The following DNAAF3 variants were observed in gnomAD, a reference collection of about 807,000 sequenced individuals.
DNAAF3 encodes dynein axonemal assembly factor 3, also known as UPF0470 protein C19orf51.
Under a neutral mutation model 50.9 loss-of-function variants are expected in DNAAF3, and 40 were observed. That is an observed-to-expected ratio of 0.79 (90% CI 0.61 to 1.02). DNAAF3 has a LOEUF of 1.02. Among genes scored for constraint, DNAAF3 ranks in the 50% least tolerant of loss-of-function variants. The pLI is 0.00. For synonymous variants in DNAAF3, 327 were observed against 322.8 expected, an observed-to-expected ratio of 1.01 and a Z score of -0.14; for missense variants, 763 against 744.7, an observed-to-expected ratio of 1.02 and a Z score of -0.29.
rs2085920107 is a variant in DNAAF3 at position 55,165,327 on chromosome 19, G to T, written c.322+43C>A. On this transcript the variant is annotated intron_variant, in intron 4 of 11. Transcript: ENST00000524407. ...AATGCCAGAATCCCTCTAGGGAGGGGGAGGAGACCAGCGGTCAGAATGCCT... is the reference window on the plus strand; with the variant it reads ...AATGCCAGAATCCCTCTAGGGAGGGTGAGGAGACCAGCGGTCAGAATGCCT... 4 of 1,563,340 alleles carry T rather than the reference G, an allele frequency of 2.6e-6. No homozygotes were observed. In the South Asian group the frequency reaches 4.4e-5, roughly 17 times the overall value.
rs750887231 is a variant in DNAAF3, at chr19:55,166,421, C to A, written c.-4-4G>T. 3.1e-6 allele frequency: 5 copies of A among 1,613,864 alleles called. No individual in the cohort carries two copies. Among genetic ancestry groups the A allele is most frequent in the Non-Finnish European group, 4.2e-6 (5 of 1,179,870 alleles). ...GCCGGCAGGTGTGGTCATCACCCTG[C>A]GGAAAAGACATTCTGGGAATCGCAC... On this transcript the variant is annotated splice_region_variant and splice_polypyrimidine_tract_variant and intron_variant, in intron 1 of 11. Transcript: ENST00000524407. The surrounding 1 kb of genome is among the most constrained non-coding windows in gnomAD (Gnocchi z 4.0).
intron 4 of DNAAF3, among the ~76,000 whole-genome samples, chr19:55,164,940 T>G (rs543768459): frequency 6.7e-6 from 1 of 149,956 alleles, no homozygotes; most frequent in Non-Finnish European, 1.5e-5. Flanking sequence ...CATCAATAAA[T>G]ATATTGGATT....
intron 3 of DNAAF3, 149 bp from the exon 4 acceptor site, chr19:55,165,612 A>G (rs2147309794): frequency 1.0e-6 from 1 of 953,184 alleles, no homozygotes; most frequent in African/African-American, 1.7e-5. Flanking sequence ...CTGTGTCCCC[A>G]GAGCTCTCTT....
rs1430656717 is a variant in DNAAF3, at chr19:55,165,457, C to G, written c.235G>C (p.Val79Leu). ...ACAGCTTCCAGATTATTCTCCAGCA[C>G]AAAGAACTAGAAGGATGGACAGGGC... is the stretch of plus-strand genomic sequence containing the variant. Reference protein sequence around the residue: ...FWPRRRFNFFVLENNLEAVAR... With the variant: ...FWPRRRFNFFLLENNLEAVAR... Residue 79 changes from valine (V) to leucine (L), a missense_variant, in exon 4 of 12, where the codon GTG becomes CTG. Val to Leu is a conservative substitution (Grantham distance 32). Coordinates refer to ENST00000524407, the MANE Select transcript of DNAAF3 (RefSeq NM_001256715.2). 1.9e-6 allele frequency: 3 copies of G among 1,613,934 alleles called. No homozygotes were observed. Among genetic ancestry groups the G allele is most frequent in the African/African-American group, 1.3e-5 (1 of 74,876 alleles).
chr19:55,165,726 C>T, intron 3 of DNAAF3, 132 bp downstream of exon 3: 2 of 1,469,300 alleles, frequency 1.4e-6, no homozygotes, highest in Non-Finnish European at 1.8e-6. Flanking sequence ...CATCGGTTCG[C>T]TCCCAGCTTC....
chr19:55,158,920 C>T lies in DNAAF3; in HGVS notation c.*142G>A, dbSNP rs544757290. ...GAATTTGAAAGTCTACCAACACTCC[C>T]GGGGTGGGGGTGGCGGGTACTGAGT... On this transcript the variant is annotated 3_prime_UTR_variant, in exon 12 of 12. Coordinates refer to ENST00000524407, the MANE Select transcript of DNAAF3 (RefSeq NM_001256715.2). 6.1e-5 allele frequency: 53 copies of T among 864,846 alleles called. No individual in the cohort carries two copies. The highest frequency in any genetic ancestry group is 4.4e-4 in the African/African-American group (26 of 59,526). The allele number at this position is 864,846 out of a possible 1,614,324, so 53.6% of individuals were successfully genotyped here.
At chr19:55,163,473 G>A (rs1179109901) in intron 4 of DNAAF3, among the ~76,000 whole-genome samples, 1 of 151,432 alleles carries the variant, frequency 6.6e-6, no homozygotes, top group Non-Finnish European at 1.5e-5. Flanking sequence ...TTTATTTCTT[G>A]TAGAGACGGG....
chr19:55,161,022 C>CCCCA lies in DNAAF3; in HGVS notation c.912+39_912+42dup. On this transcript the variant is annotated intron_variant, in intron 8 of 11. Transcript: ENST00000524407. This position sits in a 1 kb window ranked among gnomAD's most constrained non-coding sequence, Gnocchi z 6.4. ...GGCGGGGCCTTGCGCACCCACCGAC[C>CCCCA]CCCAGCCCCACCTCTACCCCCAGTC... 6.6e-7 allele frequency: 1 copy of CCCCA among 1,505,932 alleles called. No individual in the cohort carries two copies. Among genetic ancestry groups the CCCCA allele is most frequent in the African/African-American group, 1.4e-5 (1 of 71,878 alleles). 93.3% of individuals were successfully genotyped at this position (1,505,932 alleles called of 1,614,324 possible). A position where few individuals can be genotyped will look rare whatever the true frequency, so the allele number is the denominator to read the frequency against.
intron 10 of DNAAF3, 128 bp from the exon 11 acceptor site, chr19:55,159,735 G>GAGC: frequency 6.4e-7 from 1 of 1,573,442 alleles, no homozygotes; most frequent in Middle Eastern, 1.8e-4. Flanking sequence ...GGAAAGAAGG[G>GAGC]AGCAGGAGGT....
In DNAAF3 at chr19:55,159,097, G is replaced by A. The variant is rs376516731; in HGVS notation, c.1591C>T (p.Pro531Ser). The A allele has an allele frequency of 6.2e-7, 1 of 1,608,966 alleles. No individual in the cohort carries two copies. Residue 531 changes from proline to serine, a missense_variant, in exon 12 of 12, where the codon CCC becomes TCC. Physicochemically the swap from Pro to Ser is moderately conservative, Grantham distance 74. Coordinates refer to ENST00000524407, the MANE Select transcript of DNAAF3 (RefSeq NM_001256715.2). ...LAQPQGALAP[P>S]NCESDSKTGV ...GTTTTGGAGTCTGACTCACAGTTGG[G>A]CGGAGCCAAGGCCCCCTGAGGCTGA...
chr19:55,166,612 TCC>T (rs2085944096), exon 1 of DNAAF3: 8 of 1,613,430 alleles, frequency 5.0e-6, no homozygotes, highest in Non-Finnish European at 6.8e-6. The surrounding 1 kb of genome is among the most constrained non-coding windows in gnomAD (Gnocchi z 4.0). Flanking sequence ...CTGCCCAGAG[TCC>T]CCGCCCTTTT....
At chr19:55,166,706 A>T, upstream of DNAAF3, 3 of 1,565,710 alleles carry the variant, frequency 1.9e-6, no homozygotes, top group South Asian at 3.4e-5. This position sits in a 1 kb window ranked among gnomAD's most constrained non-coding sequence, Gnocchi z 4.0. Flanking sequence ...CCCGCCCTCT[A>T]CAAACTTTTG....
At position 55,161,611 on chromosome 19, in the gene DNAAF3, C is replaced by G. The variant is rs1484133449; in HGVS notation, c.663+32G>C. The G allele has an allele frequency of 6.6e-7, 1 of 1,517,336 alleles. No individual in the cohort carries two copies. The highest frequency in any genetic ancestry group is 1.2e-5 in the South Asian group (1 of 82,044). 94.0% of individuals were successfully genotyped at this position (1,517,336 alleles called of 1,614,324 possible). A position where few individuals can be genotyped will look rare whatever the true frequency, so the allele number is the denominator to read the frequency against. On this transcript the variant is annotated intron_variant, in intron 6 of 11. Coordinates refer to ENST00000524407, the MANE Select transcript of DNAAF3 (RefSeq NM_001256715.2). This position sits in a 1 kb window ranked among gnomAD's most constrained non-coding sequence, Gnocchi z 6.4. The stretch of plus-strand genomic sequence containing the variant: ...CCCTCCTCCCTCAGACCCAGGGGTC[C>G]AGGCCCCCAGCCCCTCTCCTGGGCC...
Position 55,158,751 on chromosome 19 carries a change from G to A in DNAAF3, c.*311C>T, listed in dbSNP as rs2085764712. ...ACCCCAGCCCCTAGTCAGCCACAGG[G>A]TGCCTGGGAACAAGGGGGCCAAAGT... On this transcript the variant is annotated 3_prime_UTR_variant, in exon 12 of 12. Transcript: ENST00000524407. 3 of 263,134 alleles carry A rather than the reference G, an allele frequency of 1.1e-5. No individual in the cohort carries two copies. The highest frequency in any genetic ancestry group is 7.3e-6 in the Non-Finnish European group (1 of 137,640). The allele number at this position is 263,134 out of a possible 1,614,324, so 16.3% of individuals were successfully genotyped here. A position where few individuals can be genotyped will look rare whatever the true frequency, so the allele number is the denominator to read the frequency against.
chr19:55,159,280 C>G lies in DNAAF3; in HGVS notation c.1408G>C (p.Glu470Gln). ...ATGTCAAGGGGCGGAGTTCCGGGTT[C>G]CACAGCTGGGACAGTGTTGCCCAGA... ...SALGNTVPAV[E>Q]PGTPPLDILA... is the part of the protein sequence containing the mutation. Residue 470 changes from glutamate to glutamine, a missense_variant, in exon 12 of 12, where the codon GAA becomes CAA. Coordinates refer to ENST00000524407, the MANE Select transcript of DNAAF3 (RefSeq NM_001256715.2). The G allele has an allele frequency of 6.2e-7, 1 of 1,614,076 alleles. No individual in the cohort carries two copies. The highest frequency in any genetic ancestry group is 8.5e-7 in the Non-Finnish European group (1 of 1,180,048).
Position 55,159,851 on chromosome 19 carries a change from G to A in DNAAF3, c.1163+48C>T, listed in dbSNP as rs533222859. On this transcript the variant is annotated intron_variant, in intron 10 of 11. Coordinates refer to ENST00000524407, the MANE Select transcript of DNAAF3 (RefSeq NM_001256715.2). ...TCCTGGGTCTGAGGGAGGAGGGGCT[G>A]GGGGCCTGATCCTGGGTCTTTGTGA... 7 of 1,593,456 alleles carry A rather than the reference G, an allele frequency of 4.4e-6. No homozygotes were observed. In the African/African-American group the frequency reaches 8.1e-5, roughly 18 times the overall value.
Position 55,161,503 on chromosome 19 carries a change from T to C in DNAAF3, c.664-85A>G. The stretch of plus-strand genomic sequence containing the variant: ...CACCAGCCTCCCTCAGACCCAGGAG[T>C]CCAGGTCCCCAGGCCCTCCTCCCTC... On this transcript the variant is annotated intron_variant, in intron 6 of 11. Coordinates refer to ENST00000524407, the MANE Select transcript of DNAAF3 (RefSeq NM_001256715.2). The surrounding 1 kb of genome is among the most constrained non-coding windows in gnomAD (Gnocchi z 6.4). 1 of 1,512,372 alleles carries C rather than the reference T, an allele frequency of 6.6e-7. No homozygotes were observed. Among genetic ancestry groups the C allele is most frequent in the East Asian group, 2.3e-5 (1 of 43,408 alleles). 93.7% of individuals were successfully genotyped at this position (1,512,372 alleles called of 1,614,324 possible). A position where few individuals can be genotyped will look rare whatever the true frequency, so the allele number is the denominator to read the frequency against.
rs777418027 is a variant in DNAAF3, at chr19:55,160,747, A to G, written c.941T>C (p.Val314Ala). Residue 314 changes from valine (V) to alanine (A), a missense_variant, in exon 9 of 12, where the codon GTG becomes GCG. Physicochemically the swap from Val to Ala is moderately conservative, Grantham distance 64. Coordinates refer to ENST00000524407, the MANE Select transcript of DNAAF3 (RefSeq NM_001256715.2). The surrounding 1 kb of genome is among the most constrained non-coding windows in gnomAD (Gnocchi z 4.7). The stretch of plus-strand genomic sequence containing the variant: ...GGCCACGTCGCGGAGCAGCTCCGTC[A>G]CGTTGTGTTGAGTGATCTCCCCGGC... ...KTAGEITQHN[V>A]TELLRDVAAW... 1 of 1,612,210 alleles carries G rather than the reference A, an allele frequency of 6.2e-7. No homozygotes were observed. The highest frequency in any genetic ancestry group is 1.1e-5 in the South Asian group (1 of 91,024).
At chr19:55,165,542 G>C in intron 3 of DNAAF3, 79 bp from the exon 4 acceptor site, 1 of 1,402,828 alleles carries the variant, frequency 7.1e-7, no homozygotes, top group Non-Finnish European at 1.0e-6. Flanking sequence ...CAGGCCCTCA[G>C]CTCTCTCCTT....
Sources: allele counts gnomAD v4.1 joint callset (sites outside exome capture counted in the v4.1 genomes callset), GRCh38; gene constraint gnomAD v4.1.1; non-coding constraint Gnocchi (gnomAD v3.1); transcripts MANE v1.5; gene names NCBI Gene and HGNC (gene_info 2026-07-23, HGNC 2026-07-21).